The following PDE2A variants were observed in gnomAD, a reference collection of about 807,000 sequenced individuals.
PDE2A encodes the protein phosphodiesterase 2A.
Under a neutral mutation model 133.6 loss-of-function variants are expected in PDE2A, and 53 were observed. The ratio of observed to expected loss-of-function variants is 0.40; its 90% CI spans 0.32 to 0.50. The LOEUF is 0.50. Among genes scored for constraint, PDE2A ranks in the 20% least tolerant of loss-of-function variants. The pLI is 0.73. For missense variants in PDE2A, 796 were observed against 1,232.4 expected, an observed-to-expected ratio of 0.65 and a Z score of 5.30; for synonymous variants, 491 against 490.2, an observed-to-expected ratio of 1.00 and a Z score of -0.02.
intron 19 of PDE2A, among the ~76,000 whole-genome samples, 191 bp downstream of exon 19, chr11:72,584,010 C>A (rs1290568543): frequency 2.0e-5 from 3 of 152,186 alleles, no homozygotes; most frequent in Non-Finnish European, 4.4e-5. Context: ...ATCGTATGCC[C>A]AATTTTTAGA....
At chr11:72,645,191 A>C (rs1277230808) in intron 1 of PDE2A, among the ~76,000 whole-genome samples, 1 of 152,172 alleles carries the variant, frequency 6.6e-6, no homozygotes, top group East Asian at 1.9e-4. Context: ...CATTCCTCAG[A>C]GGGTTTGAGT....
At chr11:72,591,965 G>T (rs1255214431) in intron 6 of PDE2A, among the ~76,000 whole-genome samples, 1 of 152,202 alleles carries the variant, frequency 6.6e-6, no homozygotes, top group Non-Finnish European at 1.5e-5. Context: ...TCACATAGCA[G>T]AAAGTGGCAG....
chr11:72,577,736 G>C (rs1208268633), intron 30 of PDE2A, 142 bp from the exon 31 acceptor site: 1 of 644,304 alleles, frequency 1.6e-6, no homozygotes, highest in Non-Finnish European at 2.7e-6. Context: ...ACTCAGAGAT[G>C]CCGAGGTGTG....
intron 2 of PDE2A, among the ~76,000 whole-genome samples, chr11:72,630,899 A>AT (rs1258314728): frequency 2.6e-5 from 4 of 151,848 alleles, no homozygotes; most frequent in Non-Finnish European, 4.4e-5. Context: ...CAGGCTGGGG[A>AT]TATATAGGGT....
intron 1 of PDE2A, among the ~76,000 whole-genome samples, chr11:72,670,809 C>A (rs577995738): frequency 2.0e-5 from 3 of 152,066 alleles, no homozygotes; most frequent in African/African-American, 4.8e-5. Context: ...CTGGGCCCTG[C>A]GGAGAAGACC....
At chr11:72,632,172 C>G (rs1038166097) in intron 2 of PDE2A, among the ~76,000 whole-genome samples, 4 of 152,164 alleles carry the variant, frequency 2.6e-5, no homozygotes, top group African/African-American at 9.7e-5. Flanking sequence ...TGGTGTCCCC[C>G]TCTTCTCGCC....
intron 1 of PDE2A, chr11:72,669,057 G>C: frequency 4.5e-6 from 3 of 671,950 alleles, no homozygotes; most frequent in Non-Finnish European, 5.5e-6. Flanking sequence ...TGCACTTCCA[G>C]ATTCTTCAGA....
chr11:72,590,573 A>G lies in PDE2A; in HGVS notation c.557T>C (p.Val186Ala). 1.4e-6 allele frequency: 2 copies of G among 1,381,322 alleles called. No individual in the cohort carries two copies. The highest frequency in any genetic ancestry group is 1.9e-6 in the Non-Finnish European group (2 of 1,072,952). 85.6% of individuals were successfully genotyped at this position (1,381,322 alleles called of 1,614,324 possible). Residue 186 changes from valine to alanine, a missense_variant, in exon 8 of 31, where the codon GTC (valine) becomes GCC (alanine). By Grantham distance (64) the Val-to-Ala change is moderately conservative (BLOSUM62 0). Transcript: ENST00000334456. The surrounding 1 kb of genome is among the most constrained non-coding windows in gnomAD (Gnocchi z 4.8). ...SLQAVEKHTLVALRRVQVLQQ... is the reference protein window; with the variant it reads ...SLQAVEKHTLAALRRVQVLQQ... ...CAGGACCTGCACCCTCCGCAGGGCG[A>G]CCAGGGTCTGGGGCAGGCCGAGCGG...
chr11:72,584,319 G>A lies in PDE2A; in HGVS notation c.1538-6C>T, dbSNP rs780897981. ...CTCGGCCACACCGATGACCTCTGGG[G>A]AAGGGAGAGGGGCAAGGAACCACCG... On this transcript the variant is annotated splice_polypyrimidine_tract_variant and splice_region_variant and intron_variant, in intron 18 of 30. Transcript: ENST00000334456. 16 of 1,575,364 alleles carry A rather than the reference G, an allele frequency of 1.0e-5. No individual in the cohort carries two copies. Among genetic ancestry groups the A allele is most frequent in the Middle Eastern group, 1.7e-4 (1 of 6,002 alleles).
intron 2 of PDE2A, among the ~76,000 whole-genome samples, chr11:72,629,204 T>C (rs1292797098): frequency 6.6e-6 from 1 of 152,094 alleles, no homozygotes; most frequent in Non-Finnish European, 1.5e-5. Context: ...GGAAGCCTCA[T>C]GGGAAGGACG....
intron 1 of PDE2A, among the ~76,000 whole-genome samples, chr11:72,664,261 CT>C (rs1181592494): frequency 6.6e-6 from 1 of 152,022 alleles, no homozygotes; most frequent in Non-Finnish European, 1.5e-5. Flanking sequence ...TCCCTTAAGC[CT>C]TCCCCATCTC....
chr11:72,612,683 T>C (rs529283138), intron 2 of PDE2A, among the ~76,000 whole-genome samples: 1 of 102,076 alleles, frequency 9.8e-6, no homozygotes, highest in South Asian at 3.2e-4. Context: ...GGATGGTGGA[T>C]GGATGGGTGG....
intron 16 of PDE2A, 35 bp downstream of exon 16, chr11:72,585,336 C>T: frequency 6.3e-7 from 1 of 1,584,722 alleles, no homozygotes; most frequent in South Asian, 1.1e-5. Flanking sequence ...AGGCCACAGC[C>T]TCTCTCGCCC....
chr11:72,646,635 C>T (rs1047303019), intron 1 of PDE2A, among the ~76,000 whole-genome samples: 3 of 152,194 alleles, frequency 2.0e-5, no homozygotes, highest in African/African-American at 7.2e-5. Context: ...TCCAAGGCAA[C>T]ATCCAAACTC....
intron 1 of PDE2A, among the ~76,000 whole-genome samples, chr11:72,655,158 G>A (rs1854858753): frequency 1.3e-5 from 2 of 152,346 alleles, no homozygotes; most frequent in Admixed American, 6.5e-5. Flanking sequence ...CACACACCCT[G>A]TACGCACTCA....
intron 19 of PDE2A, among the ~76,000 whole-genome samples, chr11:72,583,997 G>A (rs1437108451): frequency 6.6e-6 from 1 of 152,222 alleles, no homozygotes; most frequent in African/African-American, 2.4e-5. Context: ...GACAGGGCAG[G>A]AAATCGTATG....
intron 2 of PDE2A, among the ~76,000 whole-genome samples, chr11:72,609,512 G>A (rs1037651206): frequency 6.6e-6 from 1 of 152,156 alleles, no homozygotes; most frequent in Non-Finnish European, 1.5e-5. Context: ...ACTATAGGAG[G>A]AGAAGGAGAC....
chr11:72,658,528 T>C (rs1443375171), intron 1 of PDE2A, among the ~76,000 whole-genome samples: 1 of 152,118 alleles, frequency 6.6e-6, no homozygotes, highest in African/African-American at 2.4e-5. Context: ...AGATGGGATC[T>C]CGCTAAGTTA....
intron 1 of PDE2A, among the ~76,000 whole-genome samples, chr11:72,647,080 C>G (rs372583881): frequency 9.9e-5 from 15 of 152,198 alleles, no homozygotes; most frequent in African/African-American, 3.4e-4. Flanking sequence ...TCCAGCCAAG[C>G]TGGGAGCCCT....
Sources: allele counts gnomAD v4.1 joint callset (sites outside exome capture counted in the v4.1 genomes callset), GRCh38; gene constraint gnomAD v4.1.1; non-coding constraint Gnocchi (gnomAD v3.1); transcripts MANE v1.5; gene names NCBI Gene and HGNC (gene_info 2026-07-23, HGNC 2026-07-21).